Variants in DGKB observed in about 807,000 individuals in gnomAD.
DGKB encodes the protein 90 kDa diacylglycerol kinase.
Under a neutral mutation model 114.3 loss-of-function variants are expected in DGKB, and 67 were observed. The observed-to-expected ratio is 0.59, with a 90% CI of 0.48 to 0.72. DGKB has a LOEUF of 0.72. Ranked by LOEUF, DGKB falls within the 30% of genes least tolerant of loss-of-function variation. The probability of loss-of-function intolerance (pLI) is 0.00; values close to 1 mark genes in which losing one functional copy is unlikely to be tolerated. For missense variants in DGKB, 907 were observed against 975.2 expected, an observed-to-expected ratio of 0.93 and a Z score of 0.93; for synonymous variants, 398 against 323.1, an observed-to-expected ratio of 1.23 and a Z score of -2.49.
intron 21 of DGKB, among the ~76,000 whole-genome samples, chr7:14,448,761 A>G (rs1023555362): frequency 2.0e-5 from 3 of 152,094 alleles, no homozygotes; most frequent in Admixed American, 6.6e-5. Context: ...TAAGGTCACA[A>G]TTAGGAAGTG....
chr7:14,197,849 A>C (rs1322879977), intron 23 of DGKB, among the ~76,000 whole-genome samples: 2 of 152,134 alleles, frequency 1.3e-5, no homozygotes, highest in Non-Finnish European at 2.9e-5. Context: ...GCATTCATCG[A>C]GTGAAAAGGT....
chr7:14,399,218 A>G (rs934361627), intron 21 of DGKB, among the ~76,000 whole-genome samples: 2 of 151,972 alleles, frequency 1.3e-5, no homozygotes, highest in Non-Finnish European at 2.9e-5. Flanking sequence ...ATATATCAAA[A>G]ATATATTTGA....
intron 20 of DGKB, among the ~76,000 whole-genome samples, chr7:14,530,518 T>G (rs1791405922): frequency 6.6e-6 from 1 of 151,504 alleles, no homozygotes; most frequent in Non-Finnish European, 1.5e-5. Flanking sequence ...TATACCTCCT[T>G]TATAAAGAGG....
Position 14,191,193 on chromosome 7 carries a change from C to T in DGKB, c.2123-13042G>A, listed in dbSNP as rs190716101. 1.8e-4 allele frequency: 29 copies of T among 163,296 alleles called. No homozygotes were observed. The East Asian group carries it at 3.5e-3, about 20-fold the overall frequency. The allele number at this position is 163,296 out of a possible 1,614,324, so 10.1% of individuals were successfully genotyped here. ...ACTGGTGTCTCCAGGAATGAACAGA[C>T]GTATGAGCATGCATTTCTGGTTTAC... On this transcript the variant is annotated intron_variant, in intron 23 of 25. Coordinates refer to ENST00000402815, the MANE Select transcript of DGKB (RefSeq NM_001350709.2).
chr7:14,408,121 G>C (rs970009924), intron 21 of DGKB, among the ~76,000 whole-genome samples: 2 of 152,098 alleles, frequency 1.3e-5, no homozygotes, highest in South Asian at 2.1e-4. Flanking sequence ...GAAAAAACAT[G>C]GTGGCTCCTG....
intron 13 of DGKB, among the ~76,000 whole-genome samples, chr7:14,636,580 A>G (rs1413859097): frequency 6.6e-6 from 1 of 151,834 alleles, no homozygotes; most frequent in African/African-American, 2.4e-5. Context: ...GGTGTGTGTC[A>G]TCATTTTTGA....
intron 20 of DGKB, among the ~76,000 whole-genome samples, chr7:14,493,925 T>TACACATAC (rs1554472971): frequency 2.2e-5 from 3 of 137,630 alleles, no homozygotes; most frequent in Admixed American, 7.3e-5. Context: ...CATGGTATCA[T>TACACATAC]ACACACACAC....
chr7:14,506,183 A>T (rs2128964002), intron 20 of DGKB, among the ~76,000 whole-genome samples: 1 of 152,292 alleles, frequency 6.6e-6, no homozygotes, highest in African/African-American at 2.4e-5. Context: ...AGATTTTGGC[A>T]AAATTTTCTG....
intron 23 of DGKB, among the ~76,000 whole-genome samples, chr7:14,318,318 GCAAAAGAAAC>G (rs1807022105): frequency 6.6e-6 from 1 of 150,890 alleles, no homozygotes; most frequent in African/African-American, 2.4e-5. Flanking sequence ...CTTCTGCACA[GCAAAAGAAAC>G]TACCATCAGA....
chr7:14,526,444 T>A (rs1790658831), intron 20 of DGKB, among the ~76,000 whole-genome samples: 1 of 152,106 alleles, frequency 6.6e-6, no homozygotes, highest in Non-Finnish European at 1.5e-5. Context: ...ATGAGTTCTG[T>A]ATTACATCTG....
chr7:14,910,807 T>A (rs1783965161), intron 1 of DGKB, among the ~76,000 whole-genome samples: 1 of 152,204 alleles, frequency 6.6e-6, no homozygotes, highest in African/African-American at 2.4e-5. Context: ...ATTTGAATGC[T>A]GAGGGCAATA....
intron 1 of DGKB, among the ~76,000 whole-genome samples, chr7:14,857,571 G>A (rs762260397): frequency 2.1e-4 from 32 of 151,928 alleles, no homozygotes; most frequent in Admixed American, 5.2e-4. Context: ...TTTATGAGAT[G>A]GCATCTTATT....
rs117116320 is a variant in DGKB, at chr7:14,413,479, G to C, written c.1835+64682C>G. On this transcript the variant is annotated intron_variant, in intron 21 of 25. Transcript: ENST00000402815. ...GTTGGGAAAATGAGCCTGGATCTCA[G>C]AGGAGAGGTCTGGGTTGTATATAAA... is the stretch of plus-strand genomic sequence containing the variant. Among the ~76,000 whole-genome samples, 194 of 152,238 alleles carry C rather than the reference G, an allele frequency of 1.3e-3. 2 individuals carry two copies. Among genetic ancestry groups the C allele is most frequent in the Admixed American group, 3.6e-3 (55 of 15,284 alleles).
At chr7:14,919,088 AC>A (rs1218114417) in intron 1 of DGKB, among the ~76,000 whole-genome samples, 6 of 123,882 alleles carry the variant, frequency 4.8e-5, no homozygotes, top group South Asian at 2.9e-4. Context: ...ACACACACAC[AC>A]ACACAAACAC....
At chr7:14,636,788 T>C (rs908126928) in intron 13 of DGKB, among the ~76,000 whole-genome samples, 3 of 151,924 alleles carry the variant, frequency 2.0e-5, no homozygotes, top group African/African-American at 7.2e-5. Context: ...GTCCCAAAAT[T>C]GCTTAGGAGA....
At chr7:14,949,071 C>T (rs1387559913) in intron 1 of DGKB, among the ~76,000 whole-genome samples, 2 of 151,614 alleles carry the variant, frequency 1.3e-5, no homozygotes, top group African/African-American at 4.8e-5. Flanking sequence ...ATGAGCAACA[C>T]AGAATTTATA....
At chr7:14,247,301 T>C (rs1329272026) in intron 23 of DGKB, among the ~76,000 whole-genome samples, 1 of 152,188 alleles carries the variant, frequency 6.6e-6, no homozygotes, top group Non-Finnish European at 1.5e-5. Context: ...TTCTGAATAA[T>C]GCGGCAATGA....
chr7:14,790,835 T>C (rs963922962), intron 2 of DGKB, among the ~76,000 whole-genome samples: 30 of 152,122 alleles, frequency 2.0e-4, no homozygotes, highest in African/African-American at 7.0e-4. Flanking sequence ...TGTCTATATC[T>C]GCCAAAAAAA....
chr7:14,944,296 C>CA (rs1293593602), intron 1 of DGKB, among the ~76,000 whole-genome samples: 14 of 151,762 alleles, frequency 9.2e-5, no homozygotes, highest in African/African-American at 3.4e-4. Flanking sequence ...CATTTAACAC[C>CA]AATAGCAAGT....
Sources: gnomAD v4.1 joint callset for allele counts (sites outside exome capture counted in the v4.1 genomes callset) on GRCh38, gnomAD v4.1.1 for gene constraint, MANE v1.5 for transcripts, NCBI Gene and HGNC (gene_info 2026-07-23, HGNC 2026-07-21) for gene names.